Variants in TENM1 observed in about 807,000 individuals in gnomAD.
TENM1 encodes teneurin transmembrane protein 1.
Under a neutral mutation model 174.8 loss-of-function variants are expected in TENM1, and 35 were observed. That is an observed-to-expected ratio of 0.20 (90% CI 0.15 to 0.27). TENM1 has a LOEUF of 0.27. Ranked by LOEUF, TENM1 falls within the 10% of genes least tolerant of loss-of-function variation. The pLI is 1.00. For synonymous variants in TENM1, 781 were observed against 798.7 expected (o/e 0.98, Z 0.37); for missense variants, 1,633 against 2,130.1 (o/e 0.77, Z 4.59).
the TENM1 span, among the ~76,000 whole-genome samples, chrX:125,040,480 T>C: frequency 9.0e-6 from 1 of 111,434 alleles, no homozygotes; most frequent in Non-Finnish European, 1.9e-5. Context: ...ATGATATTTA[T>C]TTTTCTGCCT....
chrX:125,201,763 ATTATT>A, the TENM1 span, among the ~76,000 whole-genome samples: 1 of 111,730 alleles, frequency 9.0e-6, no homozygotes, highest in Admixed American at 9.5e-5. Context: ...AGTTTTCAAC[ATTATT>A]TTGTCATACC....
rs964521101 is a variant in TENM1, at chrX:124,834,887, C to T, written c.535+59409G>A. 5.4e-5 allele frequency among the ~76,000 whole-genome samples: 6 copies of T among 112,088 alleles called. No individual in the cohort carries two copies. In the South Asian group the frequency reaches 1.8e-3, roughly 34 times the overall value. Reference sequence around the variant, plus strand: ...CAGATTTAACCATTCCTCAATCAATCTTTATTTCAGGATGCTGTTAGATTT... The same window carrying T: ...CAGATTTAACCATTCCTCAATCAATTTTTATTTCAGGATGCTGTTAGATTT... On this transcript the variant is annotated intron_variant, in intron 3 of 31. Coordinates refer to ENST00000422452, the Ensembl canonical transcript of TENM1.
the TENM1 span, among the ~76,000 whole-genome samples, chrX:125,060,426 G>T: frequency 9.0e-6 from 1 of 110,740 alleles, no homozygotes; most frequent in Admixed American, 9.7e-5. Flanking sequence ...ATGATAATTT[G>T]TCGCAAAAGT....
At chrX:124,925,491 CT>C (rs1187441812) in intron 1 of TENM1, among the ~76,000 whole-genome samples, 1 of 112,006 alleles carries the variant, frequency 8.9e-6, no homozygotes, top group Admixed American at 9.5e-5. Context: ...GCATGTTTCA[CT>C]TTTTTCTGCA....
intron 5 of TENM1, among the ~76,000 whole-genome samples, chrX:124,699,954 A>G (rs1349627139): frequency 9.0e-6 from 1 of 111,669 alleles, no homozygotes; most frequent in Non-Finnish European, 1.9e-5. Context: ...TGTCAGTATT[A>G]TCATGATTGG....
intron 3 of TENM1, among the ~76,000 whole-genome samples, chrX:124,872,980 G>A (rs1409144059): frequency 9.0e-6 from 1 of 111,298 alleles, no homozygotes; most frequent in Non-Finnish European, 1.9e-5. Flanking sequence ...TTTATTTTCA[G>A]AAGGAATATA....
At chrX:125,111,650 A>AAT in the TENM1 span, among the ~76,000 whole-genome samples, 1 of 111,654 alleles carries the variant, frequency 9.0e-6, no homozygotes, top group Non-Finnish European at 1.9e-5. Context: ...CAGAAAAATA[A>AAT]ACTGATGCAC....
At chrX:124,945,653 A>T (rs1179719389) in intron 1 of TENM1, among the ~76,000 whole-genome samples, 1 of 111,259 alleles carries the variant, frequency 9.0e-6, no homozygotes, top group African/African-American at 3.3e-5. Flanking sequence ...AAATATGTGG[A>T]CATAAGAGTT....
intron 1 of TENM1, among the ~76,000 whole-genome samples, chrX:124,939,288 C>T (rs1196346202): frequency 9.0e-6 from 1 of 110,990 alleles, no homozygotes; most frequent in Non-Finnish European, 1.9e-5. Flanking sequence ...TTTATTTTCC[C>T]AATCAGTCCC....
intron 3 of TENM1, among the ~76,000 whole-genome samples, chrX:124,855,186 T>A (rs1444274520): frequency 2.7e-5 from 3 of 111,893 alleles, no homozygotes; most frequent in Admixed American, 9.5e-5. Context: ...TGTTTCGCAT[T>A]TGACAACAGG....
chrX:125,199,147 A>G, the TENM1 span, among the ~76,000 whole-genome samples: 1 of 111,281 alleles, frequency 9.0e-6, no homozygotes, highest in Non-Finnish European at 1.9e-5. Context: ...ATTAAGGGTC[A>G]TCGGCCTGTT....
the TENM1 span, among the ~76,000 whole-genome samples, chrX:125,151,363 G>C: frequency 8.9e-6 from 1 of 112,137 alleles, no homozygotes. Flanking sequence ...TAACATAACA[G>C]ATCGGAGACC....
At chrX:124,597,409 G>A (rs1008494136) in intron 11 of TENM1, among the ~76,000 whole-genome samples, 3 of 111,878 alleles carry the variant, frequency 2.7e-5, no homozygotes, top group Non-Finnish European at 5.6e-5. Flanking sequence ...TATTCTAAGT[G>A]AAGTAACTCA....
At chrX:124,386,033 C>T (rs772879783) in exon 29 of TENM1, 10 of 1,199,159 alleles carry the variant, frequency 8.3e-6, no homozygotes, top group East Asian at 6.0e-5. Flanking sequence ...AAAGATGTAA[C>T]GCCGCTGGCT....
chrX:124,912,545 T>C lies in TENM1; in HGVS notation c.218-16304A>G, dbSNP rs771513551. ...CCAGAGCCCACCTGCAACACCATAATCACCATGCACTTCAGAGATGGGGAG... is the reference window on the plus strand; with the variant it reads ...CCAGAGCCCACCTGCAACACCATAACCACCATGCACTTCAGAGATGGGGAG... On this transcript the variant is annotated intron_variant, in intron 1 of 31. Transcript: ENST00000422452. 1.6e-4 allele frequency among the ~76,000 whole-genome samples: 18 copies of C among 110,084 alleles called. No homozygotes were observed. The South Asian group carries it at 5.2e-3, about 32-fold the overall frequency.
At chrX:124,479,674 T>G (rs2046803306) in intron 22 of TENM1, among the ~76,000 whole-genome samples, 2 of 111,649 alleles carry the variant, frequency 1.8e-5, no homozygotes, top group African/African-American at 6.5e-5. Context: ...GCAGGTTGAA[T>G]GCAGTAGTTG....
At chrX:124,446,876 T>A (rs1045560391) in intron 23 of TENM1, among the ~76,000 whole-genome samples, 1 of 112,220 alleles carries the variant, frequency 8.9e-6, no homozygotes, top group African/African-American at 3.2e-5. Context: ...CCACAAAAAA[T>A]TTTTAAAAAT....
At chrX:124,898,494 T>G (rs2057601900) in intron 1 of TENM1, among the ~76,000 whole-genome samples, 1 of 110,083 alleles carries the variant, frequency 9.1e-6, no homozygotes, top group Admixed American at 9.9e-5. Flanking sequence ...AACTAGAAAA[T>G]TTACTTCCAA....
chrX:124,720,897 T>C (rs2053295487), intron 4 of TENM1, among the ~76,000 whole-genome samples: 1 of 111,606 alleles, frequency 9.0e-6, no homozygotes, highest in Non-Finnish European at 1.9e-5. Flanking sequence ...CTTAAATCTA[T>C]CTCACTTGTT....
Sources: gnomAD v4.1 joint callset for allele counts (sites outside exome capture counted in the v4.1 genomes callset) on GRCh38, gnomAD v4.1.1 for gene constraint, MANE v1.5 for transcripts, NCBI Gene and HGNC (gene_info 2026-07-23, HGNC 2026-07-21) for gene names.